The following SIGLEC12 variants were observed in gnomAD, a reference collection of about 807,000 sequenced individuals.
SIGLEC12 encodes the protein sialic acid-binding Ig-like lectin 12.
SIGLEC12 carries 43 observed loss-of-function variants against 54.1 expected under a neutral mutation model. That is an observed-to-expected ratio of 0.80 (90% confidence interval 0.62 to 1.03). The LOEUF (loss-of-function observed/expected upper bound fraction) is 1.03, where lower values mean the gene tolerates loss of function less well. SIGLEC12 is among the 50% of genes least tolerant of loss of function. The probability of loss-of-function intolerance (pLI) is 0.00; values close to 1 mark genes in which losing one functional copy is unlikely to be tolerated. For missense variants in SIGLEC12, 802 were observed against 735.2 expected (o/e 1.09, Z -1.05); for synonymous variants, 357 against 307.6 (o/e 1.16, Z -1.68).
chr19:51,491,618 C>G lies in SIGLEC12; in HGVS notation c.*23G>C, dbSNP rs773317591. 6.2e-7 allele frequency: 1 copy of G among 1,613,104 alleles called. No homozygotes were observed. The highest frequency in any genetic ancestry group is 1.3e-5 in the African/African-American group (1 of 75,000). On this transcript the variant is annotated 3_prime_UTR_variant, in exon 8 of 8. Coordinates refer to ENST00000291707, the MANE Select transcript of SIGLEC12 (RefSeq NM_053003.4). Reference sequence around the variant, plus strand: ...GCTGCAGGGGTCGTGAGCCCTCAAACAGGCCTGAGTCTCTGCAGTTTCTCA... The same window carrying G: ...GCTGCAGGGGTCGTGAGCCCTCAAAGAGGCCTGAGTCTCTGCAGTTTCTCA...
intron 6 of SIGLEC12, 126 bp downstream of exon 6, chr19:51,497,223 C>T: frequency 1.1e-6 from 1 of 945,048 alleles, no homozygotes; most frequent in Non-Finnish European, 1.6e-6. Flanking sequence ...ACCATGCACC[C>T]ATGACCTCAT....
chr19:51,492,766 G>A (rs59100151), intron 7 of SIGLEC12, among the ~76,000 whole-genome samples: 23,274 of 152,110 alleles, frequency 0.15, 2,014 homozygotes, highest in Middle Eastern at 0.3. Context: ...GTGAGAAAGC[G>A]CATCCTCCCC....
At chr19:51,499,863 C>G in intron 2 of SIGLEC12, 57 bp downstream of exon 2, 2 of 1,564,364 alleles carry the variant, frequency 1.3e-6, no homozygotes, top group Non-Finnish European at 1.7e-6. Context: ...CCACCTCAGC[C>G]CTACCCTGCG....
chr19:51,497,707 C>A (rs374081643), intron 5 of SIGLEC12, among the ~76,000 whole-genome samples: 1 of 152,216 alleles, frequency 6.6e-6, no homozygotes, highest in Non-Finnish European at 1.5e-5. Context: ...AATCACATGG[C>A]AAGATTATTT....
chr19:51,491,745 C>G lies in SIGLEC12; in HGVS notation c.1684G>C (p.Glu562Gln), dbSNP rs888180071. Residue 562 changes from glutamate to glutamine, a missense_variant, in exon 8 of 8, where the codon GAG becomes CAG. Transcript: ENST00000291707. ...AAGCTGAGGGATGCATACTGGATCT[C>G]TCCTTCCTCTGGGGAGGGGGTGGCC... ...ALATPSPEEG[E>Q]IQYASLSFHK... 6.2e-7 allele frequency: 1 copy of G among 1,613,022 alleles called. No individual in the cohort carries two copies. The highest frequency in any genetic ancestry group is 8.5e-7 in the Non-Finnish European group (1 of 1,179,558).
At position 51,491,549 on chromosome 19, in the gene SIGLEC12, A is replaced by C; in HGVS notation, c.*92T>G. The C allele has an allele frequency of 2.4e-6, 3 of 1,243,588 alleles. No homozygotes were observed. The highest frequency in any genetic ancestry group is 3.5e-6 in the Non-Finnish European group (3 of 856,990). The allele number at this position is 1,243,588 out of a possible 1,614,324, so 77.0% of individuals were successfully genotyped here. A position where few individuals can be genotyped will look rare whatever the true frequency, so the allele number is the denominator to read the frequency against. On this transcript the variant is annotated 3_prime_UTR_variant, in exon 8 of 8. Coordinates refer to ENST00000291707, the MANE Select transcript of SIGLEC12 (RefSeq NM_053003.4). ...AAGTTCTGATGTCCTGTTGCACAGC[A>C]TGGAGGGCTGTTAATTCTAAAGGAA...
At chr19:51,497,214 C>A in intron 6 of SIGLEC12, 135 bp downstream of exon 6, 1 of 904,826 alleles carries the variant, frequency 1.1e-6, no homozygotes, top group Non-Finnish European at 1.7e-6. Flanking sequence ...GAAATTCTTA[C>A]CATGCACCCA....
intron 7 of SIGLEC12, 71 bp downstream of exon 7, chr19:51,496,809 G>A: frequency 5.2e-6 from 8 of 1,540,028 alleles, no homozygotes; most frequent in Non-Finnish European, 2.7e-6. Context: ...GGACAGTGAG[G>A]AAGTAATCCC....
At position 51,501,654 on chromosome 19, in the gene SIGLEC12, G is replaced by T. The variant is rs546182902; in HGVS notation, c.80C>A (p.Thr27Lys). ...CTGCACCGTCACGGACTTCTGCATT[G>T]TCAGCAGGTAATCCTTCTGTTCCTT... ...GAKEQKDYLLTMQKSVTVQEG... is the reference protein window; with the variant it reads ...GAKEQKDYLLKMQKSVTVQEG... Residue 27 changes from threonine to lysine, a missense_variant, in exon 1 of 8, where the codon ACA (threonine) becomes AAA (lysine). Transcript: ENST00000291707. The T allele has an allele frequency of 5.1e-5, 82 of 1,614,176 alleles. 2 individuals carry two copies. The South Asian group carries it at 7.5e-4, about 15-fold the overall frequency.
In SIGLEC12 at chr19:51,501,774, T is replaced by G. The variant is rs923109932; in HGVS notation, c.-41A>C. 53 of 1,526,118 alleles carry G rather than the reference T, an allele frequency of 3.5e-5. No individual in the cohort carries two copies. In the East Asian group the frequency reaches 1.2e-3, roughly 36 times the overall value. The allele number at this position is 1,526,118 out of a possible 1,614,324, so 94.5% of individuals were successfully genotyped here. ...TGCCAGGGTTGCTGAGGTAAGTCTG[T>G]TCCTCAGGGTTCTTCTCTCAGGAAC... On this transcript the variant is annotated 5_prime_UTR_variant, in exon 1 of 8. Transcript: ENST00000291707.
rs201888334 is a variant in SIGLEC12, at chr19:51,499,585, C to T, written c.940G>A (p.Val314Met). 578 of 1,612,276 alleles carry T rather than the reference C, an allele frequency of 3.6e-4. 5 individuals carry two copies. Among genetic ancestry groups the T allele is most frequent in the South Asian group, 1.1e-3 (100 of 90,932 alleles). The change falls in exon 3 of 8, where the codon GTG (valine) becomes ATG (methionine). Residue 314 changes from valine to methionine, a missense_variant. Physicochemically the swap from Val to Met is conservative, Grantham distance 21. Coordinates refer to ENST00000291707, the MANE Select transcript of SIGLEC12 (RefSeq NM_053003.4). ...PPTITWMGAS[V>M]SSLDPTITRS... The stretch of plus-strand genomic sequence containing the variant: ...GTGATAGTGGGGTCCAGGGAGGACA[C>T]GGAGGCCCCCATCCAGGTGATCGTG...
At position 51,499,831 on chromosome 19, in the gene SIGLEC12, A is replaced by G. The variant is rs572841752; in HGVS notation, c.808+89T>C. The G allele has an allele frequency of 2.6e-5, 40 of 1,549,476 alleles. No individual in the cohort carries two copies. The African/African-American group carries it at 4.8e-4, about 19-fold the overall frequency. On this transcript the variant is annotated intron_variant, in intron 2 of 7. Coordinates refer to ENST00000291707, the MANE Select transcript of SIGLEC12 (RefSeq NM_053003.4). Reference sequence around the variant, plus strand: ...CTGAGCCAGATATGCTTCACCTCCAACTCCCTCCCAGGATGGGGGTCCCAC... The same window carrying G: ...CTGAGCCAGATATGCTTCACCTCCAGCTCCCTCCCAGGATGGGGGTCCCAC...
At chr19:51,497,934 G>T (rs905708356) in intron 5 of SIGLEC12, 84 bp downstream of exon 5, 1 of 1,560,746 alleles carries the variant, frequency 6.4e-7, no homozygotes. Flanking sequence ...GATGCTGTGG[G>T]TTGCAGGGAA....
At chr19:51,499,059 G>T (rs1052384122) in intron 4 of SIGLEC12, 111 bp downstream of exon 4, 12 of 1,117,054 alleles carry the variant, frequency 1.1e-5, no homozygotes, top group Non-Finnish European at 1.6e-5. Flanking sequence ...TGAGGGAGGG[G>T]GGGGCCGGGG....
At position 51,499,507 on chromosome 19, in the gene SIGLEC12, G is replaced by A. The variant is rs546800905; in HGVS notation, c.1018C>T (p.Leu340Phe). ...IPQPQDHGTS[L>F]TCQVTLPGAG... The stretch of plus-strand genomic sequence containing the variant: ...CCAGGCAAGGTCACCTGACAGGTGA[G>A]GCTGGTGCCATGGTCCTGGGGCTGT... The change falls in exon 3 of 8, where the codon CTC becomes TTC. Residue 340 changes from leucine (L) to phenylalanine (F), a missense_variant. Leu to Phe is a conservative substitution (Grantham distance 22). Coordinates refer to ENST00000291707, the MANE Select transcript of SIGLEC12 (RefSeq NM_053003.4). The A allele has an allele frequency of 1.2e-6, 2 of 1,609,724 alleles. No individual in the cohort carries two copies. Among genetic ancestry groups the A allele is most frequent in the Non-Finnish European group, 1.7e-6 (2 of 1,177,886 alleles).
At chr19:51,495,658 T>C (rs562254345) in intron 7 of SIGLEC12, among the ~76,000 whole-genome samples, 1 of 152,242 alleles carries the variant, frequency 6.6e-6, no homozygotes, top group Non-Finnish European at 1.5e-5. Context: ...AGTTGATTGG[T>C]TTGGCCATAT....
In SIGLEC12 at chr19:51,501,668, C is replaced by T; in HGVS notation, c.66G>A (p.Lys22=). 1 of 1,614,082 alleles carries T rather than the reference C, an allele frequency of 6.2e-7. No individual in the cohort carries two copies. Among genetic ancestry groups the T allele is most frequent in the Non-Finnish European group, 8.5e-7 (1 of 1,179,952 alleles). Reference sequence around the variant, plus strand: ...ACTTCTGCATTGTCAGCAGGTAATCCTTCTGTTCCTTAGCCCCCACTCTCC... The same window carrying T: ...ACTTCTGCATTGTCAGCAGGTAATCTTTCTGTTCCTTAGCCCCCACTCTCC... ...LCGRVGAKEQ[K]DYLLTMQKSV... is the part of the protein sequence containing the mutation. The change falls in exon 1 of 8, where the codon AAG becomes AAA. Residue 22 remains lysine (K), a synonymous_variant. Transcript: ENST00000291707.
At chr19:51,494,823 G>A (rs913706596) in intron 7 of SIGLEC12, among the ~76,000 whole-genome samples, 1 of 152,178 alleles carries the variant, frequency 6.6e-6, no homozygotes, top group Non-Finnish European at 1.5e-5. Context: ...TACAATGTGG[G>A]TGAACCTTGA....
chr19:51,491,625 G>T lies in SIGLEC12; in HGVS notation c.*16C>A. On this transcript the variant is annotated 3_prime_UTR_variant, in exon 8 of 8. Transcript: ENST00000291707. Reference sequence around the variant, plus strand: ...GGGTCGTGAGCCCTCAAACAGGCCTGAGTCTCTGCAGTTTCTCACTTGGGG... The same window carrying T: ...GGGTCGTGAGCCCTCAAACAGGCCTTAGTCTCTGCAGTTTCTCACTTGGGG... 1.2e-6 allele frequency: 2 copies of T among 1,613,656 alleles called. No homozygotes were observed. The highest frequency in any genetic ancestry group is 2.2e-5 in the East Asian group (1 of 44,874).
Sources: allele counts gnomAD v4.1 joint callset (sites outside exome capture counted in the v4.1 genomes callset), GRCh38; gene constraint gnomAD v4.1.1; transcripts MANE v1.5; gene names NCBI Gene and HGNC (gene_info 2026-07-23, HGNC 2026-07-21).